Variants in ZBTB34 observed in about 807,000 individuals in gnomAD.
ZBTB34 encodes the protein zinc finger and BTB domain-containing protein 34.
Under a neutral mutation model 33.4 loss-of-function variants are expected in ZBTB34, and 1 was observed. The ratio of observed to expected loss-of-function variants is 0.03; its 90% CI spans 0.01 to 0.14. The LOEUF (loss-of-function observed/expected upper bound fraction) is 0.14, where lower values mean the gene tolerates loss of function less well. ZBTB34 is among the 10% of genes least tolerant of loss of function. The pLI is 1.00. For missense variants in ZBTB34, 406 were observed against 657.2 expected (o/e 0.62, Z 4.18); for synonymous variants, 283 against 253.5 (o/e 1.12, Z -1.11).
In ZBTB34 at chr9:126,879,919, C is replaced by G; in HGVS notation, c.520C>G (p.Gln174Glu). 6.2e-7 allele frequency: 1 copy of G among 1,610,952 alleles called. No homozygotes were observed. Among genetic ancestry groups the G allele is most frequent in the South Asian group, 1.1e-5 (1 of 90,996 alleles). ...GGAGATCTCTCCTCCATATTGCTCT[C>G]AGGGACGGCAGCCCACCGCAAGCAG... is the stretch of plus-strand genomic sequence containing the variant. The change falls in exon 2 of 2, where the codon CAG becomes GAG. Residue 174 changes from glutamine (Q) to glutamate (E), a missense_variant. This residue lies in a region of ZBTB34 where 137 missense variants were observed against 173.0 expected (regional missense o/e 0.79). Transcript: ENST00000319119. The surrounding 1 kb of genome is among the most constrained non-coding windows in gnomAD (Gnocchi z 6.4).
At chr9:126,877,579 G>A (rs1243448360) in intron 1 of ZBTB34, among the ~76,000 whole-genome samples, 2 of 152,172 alleles carry the variant, frequency 1.3e-5, no homozygotes, top group Non-Finnish European at 2.9e-5. Flanking sequence ...GCAGTCTGGC[G>A]CTGCAGATTT....
intron 1 of ZBTB34, among the ~76,000 whole-genome samples, chr9:126,863,150 A>G (rs2033162936): frequency 6.6e-6 from 1 of 152,154 alleles, no homozygotes; most frequent in South Asian, 2.1e-4. Context: ...GGAATCAGAG[A>G]CCTGGGTTTG....
rs765469903 is a variant in ZBTB34, at chr9:126,879,373, ACT to A, written c.-10-7_-10-6del. ...GAGGAGTCATTGGTGAATGATGCAA[ACT>A]CTCTCTCTCCGCAGAGTACGCTTCA... is the stretch of plus-strand genomic sequence containing the variant. On this transcript the variant is annotated splice_polypyrimidine_tract_variant and intron_variant, in intron 1 of 1. Transcript: ENST00000319119. This position sits in a 1 kb window ranked among gnomAD's most constrained non-coding sequence, Gnocchi z 6.4. 4 of 1,571,430 alleles carry A rather than the reference ACT, an allele frequency of 2.5e-6. No individual in the cohort carries two copies. Among genetic ancestry groups the A allele is most frequent in the Non-Finnish European group, 3.5e-6 (4 of 1,156,558 alleles).
intron 1 of ZBTB34, among the ~76,000 whole-genome samples, chr9:126,877,054 A>G (rs908531353): frequency 2.0e-5 from 3 of 152,164 alleles, no homozygotes; most frequent in Non-Finnish European, 4.4e-5. Context: ...GTCTTTGGGC[A>G]TCATTTGTTT....
chr9:126,870,708 T>C (rs1326823538), intron 1 of ZBTB34, among the ~76,000 whole-genome samples: 1 of 152,096 alleles, frequency 6.6e-6, no homozygotes, highest in African/African-American at 2.4e-5. Flanking sequence ...GGGTGGATCA[T>C]CTGAGGTCAG....
intron 1 of ZBTB34, among the ~76,000 whole-genome samples, chr9:126,861,420 C>A (rs2033142187): frequency 6.6e-6 from 1 of 152,214 alleles, no homozygotes; most frequent in Non-Finnish European, 1.5e-5. Flanking sequence ...GTCTTGAGGC[C>A]TTCCGCAAGC....
rs574617909 is a variant in ZBTB34, at chr9:126,878,736, T to G, written c.-10-654T>G. 3.3e-5 allele frequency among the ~76,000 whole-genome samples: 5 copies of G among 151,646 alleles called. No individual in the cohort carries two copies. In the East Asian group the frequency reaches 5.8e-4, roughly 18 times the overall value. On this transcript the variant is annotated intron_variant, in intron 1 of 1. Coordinates refer to ENST00000319119, the Ensembl canonical transcript of ZBTB34. The stretch of plus-strand genomic sequence containing the variant: ...TTTTGTTTTTGTTTTGTTTTTTTTT[T>G]TTTTTTAGAAGGAGTCTCACTCTGT...
At chr9:126,871,941 C>A (rs2033285331) in intron 1 of ZBTB34, among the ~76,000 whole-genome samples, 1 of 151,810 alleles carries the variant, frequency 6.6e-6, no homozygotes, top group Non-Finnish European at 1.5e-5. Flanking sequence ...CATAGTGAGA[C>A]CCTGTCTCTA....
chr9:126,877,851 A>G (rs925524670), intron 1 of ZBTB34, among the ~76,000 whole-genome samples: 3 of 151,590 alleles, frequency 2.0e-5, no homozygotes, highest in African/African-American at 7.3e-5. Flanking sequence ...CTGAAAATAC[A>G]AAAACTAGCT....
chr9:126,861,295 G>T (rs1046435425), intron 1 of ZBTB34, among the ~76,000 whole-genome samples: 2 of 152,184 alleles, frequency 1.3e-5, no homozygotes, highest in African/African-American at 4.8e-5. Context: ...GGCCACTCGC[G>T]CTCAGTTGGT....
rs7043218 is a variant in ZBTB34, at chr9:126,874,936, G to A, written c.-10-4454G>A. On this transcript the variant is annotated intron_variant, in intron 1 of 1. Transcript: ENST00000319119. ...TATGATGAGAGAATTAAAACTGATGGATCCCTAGTGCCTGACACTTAATAC... is the reference window on the plus strand; with the variant it reads ...TATGATGAGAGAATTAAAACTGATGAATCCCTAGTGCCTGACACTTAATAC... Among the ~76,000 whole-genome samples the A allele has an allele frequency of 6.0e-3, 919 of 152,260 alleles. 8 individuals carry two copies. The highest frequency in any genetic ancestry group is 0.021 in the African/African-American group (878 of 41,532).
At chr9:126,882,438 A>G (rs1268050051) in exon 2 of ZBTB34, 2 of 167,256 alleles carry the variant, frequency 1.2e-5, no homozygotes, top group Non-Finnish European at 2.9e-5. Context: ...ATAATGTTTT[A>G]TTAGTACTTT....
chr9:126,885,173 C>G (rs1218391939), exon 2 of ZBTB34: 1 of 167,022 alleles, frequency 6.0e-6, no homozygotes, highest in Non-Finnish European at 1.5e-5. Flanking sequence ...CCAGAGTGTT[C>G]CCACTGTTTC....
intron 1 of ZBTB34, among the ~76,000 whole-genome samples, chr9:126,864,515 G>GT (rs1423256208): frequency 5.3e-5 from 8 of 152,164 alleles, no homozygotes; most frequent in Admixed American, 3.3e-4. Context: ...TAACGCCTTG[G>GT]TAGGAAATGT....
intron 1 of ZBTB34, among the ~76,000 whole-genome samples, chr9:126,876,926 A>T (rs1375379885): frequency 6.6e-6 from 1 of 152,228 alleles, no homozygotes; most frequent in African/African-American, 2.4e-5. Context: ...ATCTAGGCAC[A>T]TTTAACTGAT....
rs377514324 is a variant in ZBTB34 at position 126,880,254 on chromosome 9, C to G, written c.855C>G (p.His285Gln). The G allele has an allele frequency of 1.2e-6, 2 of 1,613,912 alleles. No homozygotes were observed. The highest frequency in any genetic ancestry group is 4.5e-5 in the East Asian group (2 of 44,864). The stretch of plus-strand genomic sequence containing the variant: ...GCTCCTATGGTTCTGTGCTCCAGCA[C>G]GCATACTCCTATTCCCAAGCAGCCT... Residue 285 changes from histidine (H) to glutamine (Q), a missense_variant, in exon 2 of 2, where the codon CAC (histidine) becomes CAG (glutamine). By Grantham distance (24) the His-to-Gln change is conservative. Around this residue, in one of 6 missense-constraint regions of ZBTB34, gnomAD observed 123 missense variants for 140.4 expected, o/e 0.88. Coordinates refer to ENST00000319119, the Ensembl canonical transcript of ZBTB34. This position sits in a 1 kb window ranked among gnomAD's most constrained non-coding sequence, Gnocchi z 6.7.
intron 1 of ZBTB34, among the ~76,000 whole-genome samples, chr9:126,867,654 G>A (rs1376817913): frequency 6.6e-6 from 1 of 151,160 alleles, no homozygotes; most frequent in Non-Finnish European, 1.5e-5. Context: ...CTTTTACGTT[G>A]TCGAATGTAT....
intron 1 of ZBTB34, among the ~76,000 whole-genome samples, chr9:126,877,642 TAGA>T (rs1309985744): frequency 6.6e-6 from 1 of 152,218 alleles, no homozygotes; most frequent in Non-Finnish European, 1.5e-5. Context: ...TGAGCGCTAG[TAGA>T]AGGTGATTCC....
exon 2 of ZBTB34, chr9:126,881,732 TG>T (rs1221509059): frequency 6.0e-6 from 1 of 167,058 alleles, no homozygotes; most frequent in Non-Finnish European, 1.5e-5. Context: ...CCTGTGGTGC[TG>T]ACCTTTTTAC....
Sources: allele counts gnomAD v4.1 joint callset (sites outside exome capture counted in the v4.1 genomes callset), GRCh38; gene constraint gnomAD v4.1.1; regional missense constraint gnomAD v4.1.1; non-coding constraint Gnocchi (gnomAD v3.1); transcripts MANE v1.5; gene names NCBI Gene and HGNC (gene_info 2026-07-23, HGNC 2026-07-21).